The following C16orf74 variants were observed in gnomAD, a reference collection of about 807,000 sequenced individuals.
The protein encoded by C16orf74 is calcimembrin, also known as uncharacterized protein C16orf74.
In C16orf74, 10 loss-of-function variants were observed where a neutral mutation model predicts 6.5. That is an observed-to-expected ratio of 1.54 (90% CI 0.95 to 2.61). The LOEUF is 2.61. Among genes scored for constraint, C16orf74 ranks in the 30% most tolerant of loss-of-function variants. C16orf74 has a pLI of 0.00. For missense variants in C16orf74, 141 were observed against 105.9 expected, an observed-to-expected ratio of 1.33 and a Z score of -1.45; for synonymous variants, 60 against 42.5, an observed-to-expected ratio of 1.41 and a Z score of -1.60.
intron 1 of C16orf74, among the ~76,000 whole-genome samples, chr16:85,750,661 C>A (rs1023006916): frequency 8.5e-5 from 13 of 152,258 alleles, no homozygotes; most frequent in African/African-American, 2.9e-4. Context: ...GAGGCTTCCG[C>A]GCGGGGTCAC....
chr16:85,711,209 G>C (rs1271775872), intron 2 of C16orf74, among the ~76,000 whole-genome samples: 3 of 151,324 alleles, frequency 2.0e-5, no homozygotes, highest in Non-Finnish European at 4.4e-5. Flanking sequence ...AGCTACTCAG[G>C]AGCTGAAGCA....
At chr16:85,739,635 C>T (rs533157510) in intron 1 of C16orf74, among the ~76,000 whole-genome samples, 5 of 151,534 alleles carry the variant, frequency 3.3e-5, no homozygotes, top group East Asian at 2.0e-4. Context: ...CCCATCTCTA[C>T]AAAAAAATAC....
At position 85,744,657 on chromosome 16, in the gene C16orf74, T is replaced by C. The variant is rs368500304; in HGVS notation, c.-19+6269A>G. Among the ~76,000 whole-genome samples, 814 of 151,672 alleles carry C rather than the reference T, an allele frequency of 5.4e-3. 2 individuals are homozygous for C. The highest frequency in any genetic ancestry group is 6.2e-3 in the Admixed American group (94 of 15,218). On this transcript the variant is annotated intron_variant, in intron 1 of 3. Transcript: ENST00000284245. ...CATCCTGGCTAACACGGTGAAACCC[T>C]GTCTCTACTAAAAATACAAAAAATT...
intron 1 of C16orf74, among the ~76,000 whole-genome samples, chr16:85,746,796 C>A (rs1301053140): frequency 6.6e-6 from 1 of 152,234 alleles, no homozygotes; most frequent in East Asian, 1.9e-4. Context: ...GCGGGGCTCC[C>A]AGCAGGCTCA....
intron 2 of C16orf74, among the ~76,000 whole-genome samples, chr16:85,724,962 T>C (rs1318868357): frequency 1.3e-5 from 2 of 150,656 alleles, no homozygotes; most frequent in African/African-American, 2.4e-5. Context: ...AGGCTGACCT[T>C]CCCAGGCACG....
chr16:85,710,633 C>T, intron 2 of C16orf74: 1 of 301,890 alleles, frequency 3.3e-6, no homozygotes, highest in Non-Finnish European at 6.1e-6. Flanking sequence ...GGCCACCAGC[C>T]CCCACTCTCC....
chr16:85,737,485 G>A (rs2054257490), intron 1 of C16orf74, among the ~76,000 whole-genome samples: 1 of 152,176 alleles, frequency 6.6e-6, no homozygotes, highest in Admixed American at 6.5e-5. Flanking sequence ...ATCACTTGGG[G>A]CCAAGAGTAC....
At chr16:85,735,368 C>A (rs1350359931) in intron 1 of C16orf74, 133 bp from the exon 2 acceptor site, 1 of 475,448 alleles carries the variant, frequency 2.1e-6, no homozygotes, top group Admixed American at 4.3e-5. Flanking sequence ...CCACCGGCCT[C>A]CAGGTCATGC....
At chr16:85,738,050 G>A (rs928200393) in intron 1 of C16orf74, among the ~76,000 whole-genome samples, 3 of 150,566 alleles carry the variant, frequency 2.0e-5, no homozygotes, top group Non-Finnish European at 2.9e-5. Context: ...GTGGCCCAGG[G>A]AAGCCAAAAG....
intron 2 of C16orf74, among the ~76,000 whole-genome samples, chr16:85,722,831 G>A (rs1335110385): frequency 2.0e-5 from 3 of 152,240 alleles, no homozygotes; most frequent in Non-Finnish European, 4.4e-5. Context: ...TTCTATGAAC[G>A]CCTATGTGCA....
intron 1 of C16orf74, among the ~76,000 whole-genome samples, chr16:85,748,517 G>A (rs2054399193): frequency 6.6e-6 from 1 of 152,044 alleles, no homozygotes; most frequent in Non-Finnish European, 1.5e-5. Context: ...AGAATCACTT[G>A]AGCCTGGGAG....
At chr16:85,743,249 G>C (rs1488886145) in intron 1 of C16orf74, 1 of 152,204 alleles carries the variant, frequency 6.6e-6, no homozygotes, top group African/African-American at 2.4e-5. Flanking sequence ...AAGCCATACA[G>C]TTGTCTAAAC....
chr16:85,733,570 A>G lies in C16orf74; in HGVS notation c.28+1620T>C, dbSNP rs190167224. Among the ~76,000 whole-genome samples, 852 of 150,200 alleles carry G rather than the reference A, an allele frequency of 5.7e-3. 9 individuals carry two copies. Among genetic ancestry groups the G allele is most frequent in the African/African-American group, 0.02 (791 of 39,612 alleles). Reference sequence around the variant, plus strand: ...GTTTATGTGATATATATTATTTTTTAAAGAAGAAAAGTATCCTCAATGCCT... The same window carrying G: ...GTTTATGTGATATATATTATTTTTTGAAGAAGAAAAGTATCCTCAATGCCT... On this transcript the variant is annotated intron_variant, in intron 2 of 3. Coordinates refer to ENST00000284245, the MANE Select transcript of C16orf74 (RefSeq NM_206967.3).
chr16:85,715,050 G>A (rs932693520), intron 2 of C16orf74, among the ~76,000 whole-genome samples: 6 of 151,636 alleles, frequency 4.0e-5, no homozygotes, highest in South Asian at 2.1e-4. Context: ...CCAGCTACTC[G>A]GGAGGCTGAG....
intron 1 of C16orf74, among the ~76,000 whole-genome samples, chr16:85,744,944 C>T (rs571656314): frequency 1.5e-4 from 22 of 151,246 alleles, no homozygotes; most frequent in African/African-American, 5.1e-4. Flanking sequence ...GAGTTCAAGA[C>T]CAGCCTGACC....
intron 3 of C16orf74, among the ~76,000 whole-genome samples, chr16:85,708,494 C>G (rs1470369136): frequency 1.3e-5 from 2 of 152,152 alleles, no homozygotes; most frequent in Non-Finnish European, 2.9e-5. Context: ...GTGCAGGAGG[C>G]GCACTGCAGC....
chr16:85,745,264 C>A (rs1359553834), intron 1 of C16orf74, among the ~76,000 whole-genome samples: 1 of 152,054 alleles, frequency 6.6e-6, no homozygotes, highest in African/African-American at 2.4e-5. Flanking sequence ...GGTCCACCCC[C>A]TCCTGAGGGG....
At chr16:85,750,555 C>A (rs900169611) in intron 1 of C16orf74, among the ~76,000 whole-genome samples, 2 of 152,236 alleles carry the variant, frequency 1.3e-5, no homozygotes, top group Non-Finnish European at 2.9e-5. Context: ...CCCCCGCCCC[C>A]CGCCGGGCTG....
Position 85,722,830 on chromosome 16 carries a change from C to T in C16orf74, c.28+12360G>A, listed in dbSNP as rs1311200265. Among the ~76,000 whole-genome samples the T allele has an allele frequency of 3.9e-5, 6 of 152,222 alleles. No homozygotes were observed. In the East Asian group the frequency reaches 9.6e-4, roughly 24 times the overall value. On this transcript the variant is annotated intron_variant, in intron 2 of 3. Coordinates refer to ENST00000284245, the MANE Select transcript of C16orf74 (RefSeq NM_206967.3). ...CAGGTCCCTCAGCACGTTCTATGAA[C>T]GCCTATGTGCACCAGGCGCCACGGT...
Sources: allele counts gnomAD v4.1 joint callset (sites outside exome capture counted in the v4.1 genomes callset), GRCh38; gene constraint gnomAD v4.1.1; transcripts MANE v1.5; gene names NCBI Gene and HGNC (gene_info 2026-07-23, HGNC 2026-07-21).